The following RAB4A variants were observed in gnomAD, a reference collection of about 807,000 sequenced individuals.
RAB4A encodes the protein RAB4A, member RAS oncogene family.
RAB4A carries 20 observed loss-of-function variants against 34.5 expected under a neutral mutation model. The observed-to-expected ratio is 0.58, with a 90% confidence interval of 0.41 to 0.84. RAB4A has a LOEUF of 0.84. Among genes scored for constraint, RAB4A ranks in the 40% least tolerant of loss-of-function variants. RAB4A has a pLI of 0.00. For missense variants in RAB4A, 228 were observed against 274.5 expected (o/e 0.83, Z 1.20); for synonymous variants, 102 against 100.0 (o/e 1.02, Z -0.12).
Position 229,305,112 on chromosome 1 carries a change from G to A in RAB4A, c.*1319G>A, listed in dbSNP as rs1172180450. 2 of 1,564,040 alleles carry A rather than the reference G, an allele frequency of 1.3e-6. No individual in the cohort carries two copies. The highest frequency in any genetic ancestry group is 3.9e-5 in the Admixed American group (2 of 50,878). On this transcript the variant is annotated 3_prime_UTR_variant, in exon 8 of 8. Transcript: ENST00000366690. The stretch of plus-strand genomic sequence containing the variant: ...TGTTTATTTTAATCAGCAGAGCACA[G>A]AGACACATAAAAACTCTGGGAAATG...
chr1:229,285,249 A>G (rs915095470), intron 1 of RAB4A, among the ~76,000 whole-genome samples: 1 of 152,094 alleles, frequency 6.6e-6, no homozygotes, highest in Non-Finnish European at 1.5e-5. Flanking sequence ...GGCTCAAACA[A>G]TCCTCCCTCC....
chr1:229,287,680 A>C (rs538931460), intron 2 of RAB4A, among the ~76,000 whole-genome samples: 2 of 152,094 alleles, frequency 1.3e-5, no homozygotes, highest in East Asian at 3.9e-4. Flanking sequence ...TTTTTTAAGG[A>C]TCTTACCCTG....
chr1:229,277,089 AATT>A (rs1054869015), intron 1 of RAB4A, among the ~76,000 whole-genome samples: 4 of 147,212 alleles, frequency 2.7e-5, no homozygotes, highest in African/African-American at 7.6e-5. Context: ...TATTTATATA[AATT>A]ATTATTATAT....
rs112378440 is a variant in RAB4A, at chr1:229,283,729, CT to C, written c.32-2743del. ...TTCTTTTGCTCCACTCTTTCAGAGTCTTTTTTTTTTTTTTGAGACGGAGTTT... is the reference window on the plus strand; with the variant it reads ...TTCTTTTGCTCCACTCTTTCAGAGTCTTTTTTTTTTTTTGAGACGGAGTTT... On this transcript the variant is annotated intron_variant, in intron 1 of 7. Transcript: ENST00000366690. Among the ~76,000 whole-genome samples the C allele has an allele frequency of 4.8e-3, 682 of 141,482 alleles. 6 individuals are homozygous for C. The highest frequency in any genetic ancestry group is 0.011 in the African/African-American group (434 of 38,542). The allele number at this position is 141,482 out of a possible 152,430, so 92.8% of individuals were successfully genotyped here.
chr1:229,303,337 C>T (rs998829770), intron 7 of RAB4A, among the ~76,000 whole-genome samples: 10 of 148,438 alleles, frequency 6.7e-5, no homozygotes, highest in South Asian at 2.1e-4. Context: ...CCAGCCTGGG[C>T]GATAAAGTGA....
intron 1 of RAB4A, among the ~76,000 whole-genome samples, chr1:229,272,445 G>A (rs556251949): frequency 1.3e-5 from 2 of 152,300 alleles, no homozygotes; most frequent in Non-Finnish European, 2.9e-5. Context: ...AGCAGACACG[G>A]CTCTGGTCTC....
chr1:229,286,654 C>A, intron 2 of RAB4A, 88 bp downstream of exon 2: 1 of 789,128 alleles, frequency 1.3e-6, no homozygotes, highest in South Asian at 2.0e-5. Context: ...TTAATTTTTT[C>A]AGAGGAAAAA....
At chr1:229,295,730 C>T (rs1416382899) in intron 3 of RAB4A, 118 bp from the exon 4 acceptor site, 1 of 872,356 alleles carries the variant, frequency 1.1e-6, no homozygotes, top group Non-Finnish European at 1.9e-6. Flanking sequence ...CTCTTTTAAA[C>T]CAGTGTCTGT....
intron 1 of RAB4A, among the ~76,000 whole-genome samples, chr1:229,279,038 A>G (rs928074521): frequency 2.0e-5 from 3 of 152,216 alleles, no homozygotes; most frequent in Non-Finnish European, 4.4e-5. Flanking sequence ...TCCTTCTCAG[A>G]ACCTTCAGCA....
intron 1 of RAB4A, among the ~76,000 whole-genome samples, chr1:229,274,049 C>CTTTTTTTTT (rs11339660): frequency 1.2e-5 from 1 of 86,842 alleles, no homozygotes; most frequent in Non-Finnish European, 2.1e-5. Flanking sequence ...TTTTGTTTCC[C>CTTTTTTTTT]TTTTTTTTTT....
At chr1:229,292,432 G>A (rs1270674774) in intron 3 of RAB4A, among the ~76,000 whole-genome samples, 1 of 152,106 alleles carries the variant, frequency 6.6e-6, no homozygotes, top group African/African-American at 2.4e-5. Flanking sequence ...TAGAAGCTAG[G>A]TGCCTGCTGA....
chr1:229,274,101 G>A (rs2941077), intron 1 of RAB4A, among the ~76,000 whole-genome samples: 32,529 of 139,244 alleles, frequency 0.23, 3,884 homozygotes, highest in African/African-American at 0.33. Flanking sequence ...CACCCATGCT[G>A]GAGTGCAGTG....
At position 229,302,276 on chromosome 1, in the gene RAB4A, TATATATATATA is replaced by T. The variant is rs1657408156; in HGVS notation, c.542-585_542-575del. 1.9e-4 allele frequency among the ~76,000 whole-genome samples: 5 copies of T among 27,026 alleles called. 1 individual carries two copies. Among genetic ancestry groups the T allele is most frequent in the African/African-American group, 3.3e-4 (2 of 6,112 alleles). 17.7% of individuals were successfully genotyped at this position (27,026 alleles called of 152,430 possible). On this transcript the variant is annotated intron_variant, in intron 6 of 7. Coordinates refer to ENST00000366690, the MANE Select transcript of RAB4A (RefSeq NM_004578.4). ...AAATAATTATATATATATATATATA[TATATATATATA>T]TATATATATATATATATATATATTT...
Position 229,305,161 on chromosome 1 carries a change from T to G in RAB4A, c.*1368T>G, listed in dbSNP as rs899117522. 1 of 1,602,364 alleles carries G rather than the reference T, an allele frequency of 6.2e-7. No individual in the cohort carries two copies. The highest frequency in any genetic ancestry group is 8.5e-7 in the Non-Finnish European group (1 of 1,175,520). Reference sequence around the variant, plus strand: ...TGACTAGGATAAAAATATCAGTATGTATCTGTTTTAGATATTTTGAGTTTT... The same window carrying G: ...TGACTAGGATAAAAATATCAGTATGGATCTGTTTTAGATATTTTGAGTTTT... On this transcript the variant is annotated 3_prime_UTR_variant, in exon 8 of 8. Coordinates refer to ENST00000366690, the MANE Select transcript of RAB4A (RefSeq NM_004578.4).
chr1:229,299,493 C>G (rs1455323358), intron 6 of RAB4A, among the ~76,000 whole-genome samples: 1 of 152,264 alleles, frequency 6.6e-6, no homozygotes, highest in Admixed American at 6.5e-5. Flanking sequence ...TGTTGCAGAT[C>G]GGGCATCATG....
chr1:229,275,961 A>T (rs753925150), intron 1 of RAB4A, among the ~76,000 whole-genome samples: 1 of 151,146 alleles, frequency 6.6e-6, no homozygotes, highest in Non-Finnish European at 1.5e-5. Flanking sequence ...GTTCCAATAA[A>T]GTATGAAATA....
At chr1:229,303,344 G>C (rs1328394195) in intron 7 of RAB4A, among the ~76,000 whole-genome samples, 2 of 151,486 alleles carry the variant, frequency 1.3e-5, no homozygotes, top group East Asian at 3.9e-4. Context: ...GGGCGATAAA[G>C]TGAGAACTGT....
rs115033804 is a variant in RAB4A at position 229,293,461 on chromosome 1, A to G, written c.228-2387A>G. ...CACAGTTATCTCCTTGGCTTACAAAAGACACCTTTATCACTAAGGAAATCA... is the reference window on the plus strand; with the variant it reads ...CACAGTTATCTCCTTGGCTTACAAAGGACACCTTTATCACTAAGGAAATCA... On this transcript the variant is annotated intron_variant, in intron 3 of 7. Coordinates refer to ENST00000366690, the MANE Select transcript of RAB4A (RefSeq NM_004578.4). Among the ~76,000 whole-genome samples, 980 of 152,358 alleles carry G rather than the reference A, an allele frequency of 6.4e-3. 14 individuals carry two copies. Among genetic ancestry groups the G allele is most frequent in the African/African-American group, 0.023 (938 of 41,586 alleles).
intron 1 of RAB4A, among the ~76,000 whole-genome samples, chr1:229,276,469 C>T (rs1656652012): frequency 6.6e-6 from 1 of 151,470 alleles, no homozygotes; most frequent in African/African-American, 2.5e-5. Flanking sequence ...ATCTATATTT[C>T]TAGTCACATC....
Sources: gnomAD v4.1 joint callset for allele counts (sites outside exome capture counted in the v4.1 genomes callset) on GRCh38, gnomAD v4.1.1 for gene constraint, MANE v1.5 for transcripts, NCBI Gene and HGNC (gene_info 2026-07-23, HGNC 2026-07-21) for gene names.